The following SLC7A2 variants were observed in gnomAD, a reference collection of about 807,000 sequenced individuals.
SLC7A2 encodes the protein cationic amino acid transporter 2.
A neutral mutation model predicts 58.9 loss-of-function variants in SLC7A2; 48 were observed. The ratio of observed to expected loss-of-function variants is 0.82; its 90% CI spans 0.65 to 1.04. SLC7A2 has a LOEUF of 1.04. Among genes scored for constraint, SLC7A2 ranks in the 50% least tolerant of loss-of-function variants. The pLI is 0.00. For synonymous variants in SLC7A2, 363 were observed against 314.5 expected (o/e 1.15, Z -1.63); for missense variants, 1,029 against 818.8 (o/e 1.26, Z -3.13).
In SLC7A2 at chr8:17,549,562, A is replaced by G. The variant is rs150719810; in HGVS notation, c.698+719A>G. On this transcript the variant is annotated intron_variant, in intron 5 of 12. Transcript: ENST00000494857. ...AACAATGAGTATTTTTGAGTCCTGC[A>G]TCCTTTAGTTCTTCCTTCAGGACCA... Among the ~76,000 whole-genome samples, 1,005 of 152,330 alleles carry G rather than the reference A, an allele frequency of 6.6e-3. 11 individuals carry two copies. The highest frequency in any genetic ancestry group is 0.022 in the African/African-American group (917 of 41,574).
intron 2 of SLC7A2, among the ~76,000 whole-genome samples, chr8:17,503,730 A>G (rs886812131): frequency 4.6e-5 from 7 of 152,232 alleles, no homozygotes; most frequent in African/African-American, 1.7e-4. Flanking sequence ...CTGTGGGAAA[A>G]GCCTGAGCTC....
intron 2 of SLC7A2, among the ~76,000 whole-genome samples, chr8:17,503,886 T>C (rs535338804): frequency 2.6e-5 from 4 of 152,226 alleles, no homozygotes; most frequent in Non-Finnish European, 5.9e-5. Flanking sequence ...GGAGACGTCT[T>C]TGCTCTTGAG....
At position 17,550,342 on chromosome 8, in the gene SLC7A2, G is replaced by T; in HGVS notation, c.740G>T (p.Gly247Val). Reference sequence around the variant, plus strand: ...AACGGAACAAGTATCTATGGGGCTGGTGGCTTTATGCCTTATGGCTTTACG... The same window carrying T: ...AACGGAACAAGTATCTATGGGGCTGTTGGCTTTATGCCTTATGGCTTTACG... ...SENGTSIYGA[G>V]GFMPYGFTGT... The change falls in exon 6 of 13, where the codon GGT (glycine) becomes GTT (valine). Residue 247 changes from glycine to valine, a missense_variant. Gly to Val is a moderately radical substitution (Grantham distance 109). Coordinates refer to ENST00000494857, the MANE Select transcript of SLC7A2 (RefSeq NM_001370338.1). 1 of 1,614,110 alleles carries T rather than the reference G, an allele frequency of 6.2e-7. No homozygotes were observed.
intron 2 of SLC7A2, chr8:17,511,371 G>A (rs1376246338): frequency 1.3e-5 from 2 of 152,214 alleles, no homozygotes; most frequent in Non-Finnish European, 2.9e-5. Flanking sequence ...TGCCTAGGAA[G>A]AGGGAGGAGT....
intron 11 of SLC7A2, 26 bp downstream of exon 11, chr8:17,562,136 C>T (rs1254456924): frequency 6.5e-7 from 1 of 1,542,878 alleles, no homozygotes; most frequent in South Asian, 1.1e-5. Context: ...ATTAGAGACC[C>T]AAAATACTGT....
intron 8 of SLC7A2, among the ~76,000 whole-genome samples, chr8:17,556,991 G>A (rs2150769188): frequency 6.6e-6 from 1 of 152,226 alleles, no homozygotes; most frequent in Admixed American, 6.5e-5. Flanking sequence ...TTGGATAAGG[G>A]GAACTCTGCC....
chr8:17,524,936 G>T (rs765580349), intron 2 of SLC7A2, among the ~76,000 whole-genome samples: 1 of 152,084 alleles, frequency 6.6e-6, no homozygotes, highest in South Asian at 2.1e-4. Flanking sequence ...ACTTTTGGAA[G>T]TGGAGAAATT....
Position 17,557,738 on chromosome 8 carries a change from C to T in SLC7A2, c.1196-557C>T, listed in dbSNP as rs185711922. 1.4e-4 allele frequency among the ~76,000 whole-genome samples: 22 copies of T among 152,204 alleles called. 1 individual carries two copies. Among genetic ancestry groups the T allele is most frequent in the Admixed American group, 3.9e-4 (6 of 15,280 alleles). On this transcript the variant is annotated intron_variant, in intron 8 of 12. Coordinates refer to ENST00000494857, the MANE Select transcript of SLC7A2 (RefSeq NM_001370338.1). The stretch of plus-strand genomic sequence containing the variant: ...AGCTACTCGGCAGGCTGAGATATGA[C>T]AATCGCTTGGACCAGGGGGGTGGAG...
chr8:17,517,568 G>A (rs535555582), intron 2 of SLC7A2, among the ~76,000 whole-genome samples: 3 of 151,690 alleles, frequency 2.0e-5, no homozygotes, highest in African/African-American at 4.8e-5. Flanking sequence ...AAGTTTTAAT[G>A]TGTGTTGGAA....
chr8:17,510,317 C>T (rs568243200), intron 2 of SLC7A2, among the ~76,000 whole-genome samples: 1 of 152,148 alleles, frequency 6.6e-6, no homozygotes, highest in East Asian at 1.9e-4. Context: ...AATTGCCTAA[C>T]TGATAACATA....
At chr8:17,527,809 G>A (rs1438610258) in intron 2 of SLC7A2, among the ~76,000 whole-genome samples, 1 of 152,166 alleles carries the variant, frequency 6.6e-6, no homozygotes, top group Non-Finnish European at 1.5e-5. Context: ...CTGTTTCCCA[G>A]TAAGGTCACC....
intron 2 of SLC7A2, among the ~76,000 whole-genome samples, chr8:17,530,049 T>A (rs1207264828): frequency 6.6e-6 from 1 of 152,138 alleles, no homozygotes; most frequent in African/African-American, 2.4e-5. Flanking sequence ...CTTATCTCTC[T>A]TGCCGGCTTC....
intron 2 of SLC7A2, among the ~76,000 whole-genome samples, chr8:17,533,858 C>T (rs1801555464): frequency 6.6e-6 from 1 of 152,172 alleles, no homozygotes; most frequent in Admixed American, 6.5e-5. Flanking sequence ...GTCAACCCAT[C>T]ACCTAGGTAT....
Position 17,558,154 on chromosome 8 carries a change from G to A in SLC7A2, c.1196-141G>A, listed in dbSNP as rs547185441. ...AAAGAACATCTTATTAACTGTGAGA[G>A]ATATATTTTCTACACTCTGGTTGAC... On this transcript the variant is annotated intron_variant, in intron 8 of 12. Coordinates refer to ENST00000494857, the MANE Select transcript of SLC7A2 (RefSeq NM_001370338.1). 1.3e-4 allele frequency: 77 copies of A among 595,960 alleles called. 1 individual carries two copies. In the South Asian group the frequency reaches 1.6e-3, roughly 12 times the overall value. 36.9% of individuals were successfully genotyped at this position (595,960 alleles called of 1,614,324 possible).
intron 2 of SLC7A2, among the ~76,000 whole-genome samples, chr8:17,504,212 T>G (rs908353845): frequency 5.3e-5 from 8 of 152,132 alleles, no homozygotes; most frequent in African/African-American, 2.4e-5. Context: ...TGAGCCTCAG[T>G]GAGGAGTAAG....
chr8:17,534,266 A>T lies in SLC7A2; in HGVS notation c.-22-9052A>T, dbSNP rs986953975. ...TGAGTTAGCTCTAATTTATGTGGAC[A>T]GTGGATTCAAAGTGGAATTAAGGTA... On this transcript the variant is annotated intron_variant, in intron 2 of 12. Transcript: ENST00000494857. Among the ~76,000 whole-genome samples the T allele has an allele frequency of 2.0e-5, 3 of 152,210 alleles. No individual in the cohort carries two copies. The East Asian group carries it at 5.8e-4, about 29-fold the overall frequency.
intron 7 of SLC7A2, among the ~76,000 whole-genome samples, chr8:17,554,230 T>C (rs1458207426): frequency 1.3e-5 from 2 of 152,184 alleles, no homozygotes; most frequent in African/African-American, 4.8e-5. Context: ...CTTAATAATA[T>C]TGGTTTGGTT....
In SLC7A2 at chr8:17,562,180, ATTTTTTTTTTTTTTTTTTTTT is replaced by A. The variant is rs200130071; in HGVS notation, c.1671+85_1671+105del. 2,682 of 591,480 alleles carry A rather than the reference ATTTTTTTTTTTTTTTTTTTTT, an allele frequency of 4.5e-3. 6 individuals are homozygous for A. Among genetic ancestry groups the A allele is most frequent in the South Asian group, 6.3e-3 (184 of 29,316 alleles). 36.6% of individuals were successfully genotyped at this position (591,480 alleles called of 1,614,324 possible). A position where few individuals can be genotyped will look rare whatever the true frequency, so the allele number is the denominator to read the frequency against. ...TCTCTGTATAATTAGTTTGGTAAGT[ATTTTTTTTTTTTTTTTTTTTT>A]TTTTTTTTTTTTTTGGAGATGGAAT... On this transcript the variant is annotated intron_variant, in intron 11 of 12. Coordinates refer to ENST00000494857, the MANE Select transcript of SLC7A2 (RefSeq NM_001370338.1).
At chr8:17,524,943 A>G (rs1051073294) in intron 2 of SLC7A2, among the ~76,000 whole-genome samples, 2 of 152,068 alleles carry the variant, frequency 1.3e-5, no homozygotes, top group African/African-American at 4.8e-5. Context: ...GAAGTGGAGA[A>G]ATTACCAAAA....
Sources: gnomAD v4.1 joint callset for allele counts (sites outside exome capture counted in the v4.1 genomes callset) on GRCh38, gnomAD v4.1.1 for gene constraint, MANE v1.5 for transcripts, NCBI Gene and HGNC (gene_info 2026-07-23, HGNC 2026-07-21) for gene names.